The following BMP2K variants were observed in gnomAD, a reference collection of about 807,000 sequenced individuals.
The protein encoded by BMP2K is BMP-2-inducible protein kinase.
Under a neutral mutation model 116.0 loss-of-function variants are expected in BMP2K, and 74 were observed. The ratio of observed to expected loss-of-function variants is 0.64; its 90% CI spans 0.53 to 0.77. BMP2K has a LOEUF of 0.77. Ranked by LOEUF, BMP2K falls within the 30% of genes least tolerant of loss-of-function variation. The pLI, the probability that BMP2K is intolerant of heterozygous loss-of-function variation, is 0.00. For missense variants in BMP2K, 1,365 were observed against 1,403.6 expected (o/e 0.97, Z 0.44); for synonymous variants, 486 against 502.5 (o/e 0.97, Z 0.44).
intron 15 of BMP2K, among the ~76,000 whole-genome samples, chr4:78,904,660 C>T (rs1734198634): frequency 6.6e-6 from 1 of 151,940 alleles, no homozygotes; most frequent in Non-Finnish European, 1.5e-5. Flanking sequence ...GATTTGCTCT[C>T]ATTTTCAGAT....
At chr4:78,787,239 TGTTTTTGAA>T (rs1659708238) in intron 1 of BMP2K, among the ~76,000 whole-genome samples, 1 of 152,260 alleles carries the variant, frequency 6.6e-6, no homozygotes, top group African/African-American at 2.4e-5. Flanking sequence ...AGGCTGACTC[TGTTTTTGAA>T]GTTCTGTCCA....
At chr4:78,871,791 A>G in intron 11 of BMP2K, 59 bp from the exon 12 acceptor site, 1 of 1,171,432 alleles carries the variant, frequency 8.5e-7, no homozygotes, top group South Asian at 1.3e-5. Flanking sequence ...CAATACTTTA[A>G]AAAAGGGCTC....
intron 15 of BMP2K, among the ~76,000 whole-genome samples, chr4:78,901,126 C>A (rs1733978380): frequency 6.6e-6 from 1 of 152,126 alleles, no homozygotes; most frequent in Admixed American, 6.6e-5. Flanking sequence ...TTACTACAGC[C>A]CGGACCTCTT....
rs1401079292 is a variant in BMP2K, at chr4:78,829,782, TTTCTTTTCTCTTCTCTTCTC to T, written c.297+3632_297+3651del. 1.1e-3 allele frequency among the ~76,000 whole-genome samples: 71 copies of T among 64,614 alleles called. No homozygotes were observed. The East Asian group carries it at 0.014, about 13-fold the overall frequency. 42.4% of individuals were successfully genotyped at this position (64,614 alleles called of 152,430 possible). ...TTTCTTTTCTTTTCTTTTCTTTTCT[TTTCTTTTCTCTTCTCTTCTC>T]TTCTCTTCTCTTCTCTTCTCTTCTC... On this transcript the variant is annotated intron_variant, in intron 2 of 15. Transcript: ENST00000502613.
chr4:78,827,689 A>G (rs187446430), intron 2 of BMP2K, among the ~76,000 whole-genome samples: 8 of 152,242 alleles, frequency 5.3e-5, no homozygotes, highest in African/African-American at 1.7e-4. Context: ...GCCATTGATT[A>G]CTGCCTGTGA....
rs200692939 is a variant in BMP2K at position 78,778,326 on chromosome 4, AT to A, written c.178+1606del. Among the ~76,000 whole-genome samples the A allele has an allele frequency of 6.2e-3, 948 of 152,378 alleles. 13 individuals are homozygous for A. Among genetic ancestry groups the A allele is most frequent in the African/African-American group, 0.022 (897 of 41,582 alleles). ...TAAGCAAGCCATTTTCAATAAAAAA[AT>A]AATTTTGGAAAGTAATAAAGATGAA... is the stretch of plus-strand genomic sequence containing the variant. On this transcript the variant is annotated intron_variant, in intron 1 of 15. Coordinates refer to ENST00000502613, the MANE Select transcript of BMP2K (RefSeq NM_198892.2).
intron 1 of BMP2K, among the ~76,000 whole-genome samples, chr4:78,787,061 C>T (rs1024201946): frequency 5.3e-5 from 8 of 152,036 alleles, no homozygotes; most frequent in Admixed American, 2.0e-4. Context: ...GCCTTGTATT[C>T]GTCTTTTATC....
chr4:78,878,945 A>G (rs768753037), intron 14 of BMP2K, 54 bp downstream of exon 14: 8 of 1,570,480 alleles, frequency 5.1e-6, no homozygotes, highest in Middle Eastern at 1.8e-4. Context: ...CAGCTCTATT[A>G]TTATTCAGCA....
chr4:78,906,839 C>T (rs1260878099), intron 15 of BMP2K, among the ~76,000 whole-genome samples: 1 of 152,160 alleles, frequency 6.6e-6, no homozygotes, highest in Non-Finnish European at 1.5e-5. Context: ...TAAGTCCTTT[C>T]TTCACAATAG....
intron 15 of BMP2K, among the ~76,000 whole-genome samples, chr4:78,897,504 A>G (rs1733765241): frequency 6.6e-6 from 1 of 152,216 alleles, no homozygotes; most frequent in Non-Finnish European, 1.5e-5. Context: ...TATAGGAAAA[A>G]CACAATCTCA....
intron 1 of BMP2K, among the ~76,000 whole-genome samples, chr4:78,793,675 T>C (rs1012441069): frequency 2.0e-5 from 3 of 152,054 alleles, no homozygotes; most frequent in African/African-American, 7.2e-5. Context: ...CATGTGGCTA[T>C]AGAGTACTTA....
chr4:78,849,442 A>T (rs924130035), intron 6 of BMP2K, among the ~76,000 whole-genome samples: 1 of 151,620 alleles, frequency 6.6e-6, no homozygotes, highest in Non-Finnish European at 1.5e-5. Context: ...TAAAATTGTT[A>T]TCTGGGAACC....
At chr4:78,811,670 T>G (rs1171265661) in intron 1 of BMP2K, among the ~76,000 whole-genome samples, 1 of 152,210 alleles carries the variant, frequency 6.6e-6, no homozygotes, top group African/African-American at 2.4e-5. Context: ...AACAAATGAG[T>G]GCTGTTTTAC....
intron 15 of BMP2K, among the ~76,000 whole-genome samples, chr4:78,900,285 G>A (rs1354603432): frequency 6.6e-6 from 1 of 152,132 alleles, no homozygotes; most frequent in African/African-American, 2.4e-5. Flanking sequence ...TATCAGCAAG[G>A]CTTCTGGTTA....
At chr4:78,809,864 A>T (rs1445539228) in intron 1 of BMP2K, among the ~76,000 whole-genome samples, 1 of 152,056 alleles carries the variant, frequency 6.6e-6, no homozygotes, top group East Asian at 1.9e-4. Context: ...TTTCTCAGAG[A>T]CAGTTTCTGT....
chr4:78,856,722 T>C (rs1339557441), intron 7 of BMP2K, among the ~76,000 whole-genome samples: 2 of 152,076 alleles, frequency 1.3e-5, no homozygotes, highest in African/African-American at 4.8e-5. Context: ...AGAATGAAAT[T>C]TAGATCTAAA....
At chr4:78,872,088 T>C in intron 12 of BMP2K, 140 bp downstream of exon 12, 1 of 663,158 alleles carries the variant, frequency 1.5e-6, no homozygotes. Context: ...GCCAGTCATA[T>C]ATTCTCAAGC....
rs1338678722 is a variant in BMP2K at position 78,776,651 on chromosome 4, C to G, written c.108C>G (p.Gly36=). The G allele has an allele frequency of 2.4e-6, 3 of 1,226,712 alleles. No individual in the cohort carries two copies. The highest frequency in any genetic ancestry group is 1.6e-5 in the African/African-American group (1 of 63,856). 76.0% of individuals were successfully genotyped at this position (1,226,712 alleles called of 1,614,324 possible). Reference sequence around the variant, plus strand: ...CCGGGGCCGGCTGCGGCTCCGGCGGCTCGTCCGTGGGGGTCCGGGTGTTCG... The same window carrying G: ...CCGGGGCCGGCTGCGGCTCCGGCGGGTCGTCCGTGGGGGTCCGGGTGTTCG... ...AGAGAGCGSG[G]SSVGVRVFAV... Residue 36 remains glycine (G), a synonymous_variant, in exon 1 of 16, where the codon GGC becomes GGG. Transcript: ENST00000502613.
At chr4:78,787,167 A>G (rs1727769062) in intron 1 of BMP2K, among the ~76,000 whole-genome samples, 3 of 152,188 alleles carry the variant, frequency 2.0e-5, no homozygotes. Flanking sequence ...ACAAATTACT[A>G]TGAAACAATT....
Sources: gnomAD v4.1 joint callset for allele counts (sites outside exome capture counted in the v4.1 genomes callset) on GRCh38, gnomAD v4.1.1 for gene constraint, MANE v1.5 for transcripts, NCBI Gene and HGNC (gene_info 2026-07-23, HGNC 2026-07-21) for gene names.